Variants in MTSS1 observed in about 807,000 individuals in gnomAD.
The protein encoded by MTSS1 is MTSS I-BAR domain containing 1.
In MTSS1, 18 loss-of-function variants were observed where a neutral mutation model predicts 79.0. That is an observed-to-expected ratio of 0.23 (90% CI 0.16 to 0.34). The LOEUF (loss-of-function observed/expected upper bound fraction) is 0.34, where lower values mean the gene tolerates loss of function less well. Among genes scored for constraint, MTSS1 ranks in the 10% least tolerant of loss-of-function variants. MTSS1 has a pLI of 1.00. For missense variants in MTSS1, 815 were observed against 986.2 expected (o/e 0.83, Z 2.33); for synonymous variants, 341 against 368.6 (o/e 0.93, Z 0.86).
At chr8:124,677,179 G>A (rs1187744284) in intron 3 of MTSS1, among the ~76,000 whole-genome samples, 1 of 152,122 alleles carries the variant, frequency 6.6e-6, no homozygotes, top group Non-Finnish European at 1.5e-5. Flanking sequence ...AAATCAGGAG[G>A]AGGCAGGGAG....
chr8:124,696,703 T>A (rs1185452182), intron 3 of MTSS1, among the ~76,000 whole-genome samples: 1 of 151,888 alleles, frequency 6.6e-6, no homozygotes, highest in Non-Finnish European at 1.5e-5. Flanking sequence ...ATACAAAAAT[T>A]AGCTGGGCGT....
rs1300238216 is a variant in MTSS1 at position 124,565,928 on chromosome 8, C to T, written c.727-169G>A. The T allele has an allele frequency of 5.9e-6, 3 of 508,496 alleles. No individual in the cohort carries two copies. The East Asian group carries it at 9.4e-5, about 16-fold the overall frequency. The allele number at this position is 508,496 out of a possible 1,614,324, so 31.5% of individuals were successfully genotyped here. On this transcript the variant is annotated intron_variant, in intron 8 of 13. Coordinates refer to ENST00000518547, the MANE Select transcript of MTSS1 (RefSeq NM_014751.6). Reference sequence around the variant, plus strand: ...AATTGAAGAGCCACAGTACCAAATCCATCAATATCATAATCCTTTTACTGA... The same window carrying T: ...AATTGAAGAGCCACAGTACCAAATCTATCAATATCATAATCCTTTTACTGA...
chr8:124,724,858 A>G (rs1833454707), intron 1 of MTSS1, among the ~76,000 whole-genome samples: 1 of 152,172 alleles, frequency 6.6e-6, no homozygotes, highest in Admixed American at 6.5e-5. Context: ...GGCAGTCAAC[A>G]TCACTTCCAG....
chr8:124,656,098 C>T (rs1243082004), intron 3 of MTSS1, among the ~76,000 whole-genome samples: 1 of 152,226 alleles, frequency 6.6e-6, no homozygotes, highest in Non-Finnish European at 1.5e-5. Context: ...AAGTCCTTTT[C>T]ATGCACTATT....
intron 13 of MTSS1, among the ~76,000 whole-genome samples, chr8:124,554,589 G>A (rs950349547): frequency 2.6e-5 from 4 of 152,206 alleles, no homozygotes; most frequent in Admixed American, 1.3e-4. Context: ...ACTTGTGTGT[G>A]CAGTGGACTT....
intron 3 of MTSS1, among the ~76,000 whole-genome samples, chr8:124,671,195 A>G (rs1006659024): frequency 6.6e-6 from 1 of 151,788 alleles, no homozygotes; most frequent in African/African-American, 2.4e-5. Context: ...TCCCCATAAG[A>G]TTTCTGACCT....
intron 1 of MTSS1, among the ~76,000 whole-genome samples, chr8:124,712,743 C>T (rs937407476): frequency 6.6e-6 from 1 of 151,876 alleles, no homozygotes; most frequent in Non-Finnish European, 1.5e-5. Context: ...CGCCCGCCCA[C>T]CCTCACCCAC....
chr8:124,655,895 T>C (rs1820846071), intron 3 of MTSS1, among the ~76,000 whole-genome samples: 1 of 152,116 alleles, frequency 6.6e-6, no homozygotes, highest in African/African-American at 2.4e-5. Flanking sequence ...CCTAGGATAG[T>C]GTGTCCAGAG....
intron 3 of MTSS1, among the ~76,000 whole-genome samples, chr8:124,625,806 G>A (rs1156533017): frequency 6.6e-6 from 1 of 152,124 alleles, no homozygotes; most frequent in Admixed American, 6.5e-5. Flanking sequence ...TGCAAGATAC[G>A]AAGGCCACAC....
chr8:124,616,210 A>G (rs750192551), intron 3 of MTSS1, among the ~76,000 whole-genome samples: 39 of 152,184 alleles, frequency 2.6e-4, no homozygotes, highest in Non-Finnish European at 5.1e-4. Flanking sequence ...TCAGCATGCA[A>G]CAGACAAGAT....
chr8:124,629,176 G>C (rs188684780), intron 3 of MTSS1, among the ~76,000 whole-genome samples: 4 of 152,178 alleles, frequency 2.6e-5, no homozygotes, highest in African/African-American at 7.2e-5. Flanking sequence ...ACTAAGGCTC[G>C]AATTAAGGAG....
chr8:124,605,588 T>G (rs11782380), intron 3 of MTSS1, among the ~76,000 whole-genome samples: 18,638 of 111,116 alleles, frequency 0.17, 1,589 homozygotes, highest in African/African-American at 0.32. Context: ...CCCTGCCCTC[T>G]CGCTGCCTCC....
At chr8:124,713,404 C>G (rs1831452412) in intron 1 of MTSS1, among the ~76,000 whole-genome samples, 1 of 152,098 alleles carries the variant, frequency 6.6e-6, no homozygotes, top group African/African-American at 2.4e-5. Flanking sequence ...CTTTTTCATC[C>G]CCTAAATTCA....
chr8:124,598,998 G>A (rs139150035), intron 3 of MTSS1, among the ~76,000 whole-genome samples: 5 of 152,316 alleles, frequency 3.3e-5, no homozygotes, highest in African/African-American at 9.6e-5. Flanking sequence ...ACACCAACCA[G>A]CAATAAACAG....
chr8:124,616,687 C>T (rs11995300), intron 3 of MTSS1, among the ~76,000 whole-genome samples: 1 of 151,944 alleles, frequency 6.6e-6, no homozygotes, highest in Non-Finnish European at 1.5e-5. Context: ...TCTGATTCTG[C>T]AGTGATTTCT....
intron 3 of MTSS1, among the ~76,000 whole-genome samples, chr8:124,681,205 TAA>T (rs765690095): frequency 5.2e-4 from 66 of 125,926 alleles, no homozygotes; most frequent in Admixed American, 8.9e-4. Flanking sequence ...CTGTGACATT[TAA>T]AAAAAAAAAA....
At chr8:124,711,721 A>G (rs1831191522) in intron 1 of MTSS1, among the ~76,000 whole-genome samples, 1 of 152,156 alleles carries the variant, frequency 6.6e-6, no homozygotes, top group Non-Finnish European at 1.5e-5. Flanking sequence ...AAAAGAAAGC[A>G]CGAGGCTGGG....
At chr8:124,677,104 G>A (rs531775707) in intron 3 of MTSS1, among the ~76,000 whole-genome samples, 7 of 152,098 alleles carry the variant, frequency 4.6e-5, no homozygotes, top group Non-Finnish European at 8.8e-5. Context: ...TGGTCTCCAC[G>A]ATCACCAATT....
intron 6 of MTSS1, among the ~76,000 whole-genome samples, chr8:124,571,644 T>C (rs1439909173): frequency 6.6e-6 from 1 of 152,128 alleles, no homozygotes; most frequent in Non-Finnish European, 1.5e-5. Context: ...CTCGGTGGGC[T>C]TTGATTATGG....
Sources: gnomAD v4.1 joint callset for allele counts (sites outside exome capture counted in the v4.1 genomes callset) on GRCh38, gnomAD v4.1.1 for gene constraint, MANE v1.5 for transcripts, NCBI Gene and HGNC (gene_info 2026-07-23, HGNC 2026-07-21) for gene names.